The following FAF1 variants were observed in gnomAD, a reference collection of about 807,000 sequenced individuals.
FAF1 encodes the protein Fas associated factor 1.
In FAF1, 25 loss-of-function variants were observed where a neutral mutation model predicts 92.5. That is an observed-to-expected ratio of 0.27 (90% CI 0.20 to 0.38). The LOEUF (loss-of-function observed/expected upper bound fraction) is 0.38. Ranked by LOEUF, FAF1 falls within the 10% of genes least tolerant of loss-of-function variation. The pLI is 1.00. For missense variants in FAF1, 636 were observed against 793.3 expected (o/e 0.80, Z 2.38); for synonymous variants, 234 against 273.2 (o/e 0.86, Z 1.42).
At chr1:50,452,976 G>C (rs527488648) in intron 18 of FAF1, among the ~76,000 whole-genome samples, 1 of 152,278 alleles carries the variant, frequency 6.6e-6, no homozygotes, top group East Asian at 1.9e-4. Flanking sequence ...AGTGAGAGTT[G>C]AACAAAATGT....
chr1:50,797,474 G>T (rs1661804739), intron 3 of FAF1, among the ~76,000 whole-genome samples: 1 of 152,104 alleles, frequency 6.6e-6, no homozygotes, highest in African/African-American at 2.4e-5. Context: ...GCCATGGTGG[G>T]AGGATGGCTT....
At chr1:50,667,222 G>A (rs984665690) in intron 7 of FAF1, among the ~76,000 whole-genome samples, 6 of 152,212 alleles carry the variant, frequency 3.9e-5, no homozygotes, top group South Asian at 2.1e-4. Flanking sequence ...ACTTTATCAT[G>A]AGAGTTACCA....
intron 18 of FAF1, chr1:50,469,681 A>ACTGGAGG (rs1646546722): frequency 6.6e-6 from 1 of 152,214 alleles, no homozygotes; most frequent in Non-Finnish European, 1.5e-5. Context: ...GGGAGGCAAA[A>ACTGGAGG]CTGGAGGCAG....
intron 2 of FAF1, among the ~76,000 whole-genome samples, chr1:50,855,862 C>A (rs573916070): frequency 1.3e-5 from 2 of 151,718 alleles, no homozygotes; most frequent in South Asian, 4.1e-4. Flanking sequence ...TTGCTTGGGC[C>A]TGATACAGTG....
chr1:50,953,970 A>T (rs971504688), intron 1 of FAF1, among the ~76,000 whole-genome samples: 2 of 151,506 alleles, frequency 1.3e-5, no homozygotes, highest in African/African-American at 4.9e-5. Context: ...TTTATTTGAG[A>T]CGGAGTCTCC....
chr1:50,580,770 G>A (rs1572847722), intron 12 of FAF1, among the ~76,000 whole-genome samples: 2 of 151,908 alleles, frequency 1.3e-5, no homozygotes, highest in Admixed American at 6.6e-5. Context: ...TTTGCTTTTC[G>A]GTATTTTCTT....
intron 2 of FAF1, among the ~76,000 whole-genome samples, chr1:50,832,091 T>A (rs1644160426): frequency 6.6e-6 from 1 of 152,108 alleles, no homozygotes; most frequent in South Asian, 2.1e-4. Flanking sequence ...GGGTTCCCAC[T>A]GATTCTACAT....
chr1:50,569,865 G>A (rs577138617), intron 12 of FAF1, among the ~76,000 whole-genome samples: 4 of 152,024 alleles, frequency 2.6e-5, no homozygotes, highest in East Asian at 1.9e-4. Context: ...AAGTGCAGCC[G>A]ACAGTGTTGA....
At chr1:50,569,382 C>T (rs991211412) in intron 12 of FAF1, among the ~76,000 whole-genome samples, 2 of 152,118 alleles carry the variant, frequency 1.3e-5, no homozygotes, top group Admixed American at 6.6e-5. Flanking sequence ...GAAACAAGAA[C>T]ACTGATACAA....
chr1:50,857,856 A>T (rs1206289749), intron 2 of FAF1, 73 bp downstream of exon 2: 9 of 936,368 alleles, frequency 9.6e-6, no homozygotes. Context: ...GAACCCATCT[A>T]TAAAAAATAA....
At chr1:50,749,553 AG>A (rs1328250683) in intron 4 of FAF1, among the ~76,000 whole-genome samples, 1 of 152,208 alleles carries the variant, frequency 6.6e-6, no homozygotes, top group African/African-American at 2.4e-5. Flanking sequence ...TGGGAAGCCA[AG>A]GTAGAAGGAC....
intron 3 of FAF1, among the ~76,000 whole-genome samples, chr1:50,795,844 G>A (rs1661728209): frequency 1.3e-5 from 2 of 152,088 alleles, no homozygotes; most frequent in African/African-American, 2.4e-5. Flanking sequence ...ACCACCTAGG[G>A]AAGGAGTACC....
intron 2 of FAF1, among the ~76,000 whole-genome samples, chr1:50,842,050 C>G (rs1413331981): frequency 6.6e-6 from 1 of 152,076 alleles, no homozygotes. Flanking sequence ...ATTATACTTT[C>G]TAACTTACTT....
At chr1:50,443,430 AC>A (rs1189531648) in intron 18 of FAF1, among the ~76,000 whole-genome samples, 2 of 152,208 alleles carry the variant, frequency 1.3e-5, no homozygotes, top group Non-Finnish European at 2.9e-5. Context: ...TTGAACGCCT[AC>A]TATATGCCAG....
intron 8 of FAF1, among the ~76,000 whole-genome samples, chr1:50,651,955 G>A (rs1378550471): frequency 1.3e-5 from 2 of 152,200 alleles, no homozygotes; most frequent in African/African-American, 4.8e-5. Context: ...CTAAATTCAA[G>A]CACTGGAGCT....
At chr1:50,604,259 C>T (rs1652275458) in intron 8 of FAF1, among the ~76,000 whole-genome samples, 1 of 152,170 alleles carries the variant, frequency 6.6e-6, no homozygotes, top group Non-Finnish European at 1.5e-5. Flanking sequence ...CCATTCCAAG[C>T]TAGTAATAAG....
At chr1:50,791,037 CA>C (rs1355163590) in intron 3 of FAF1, among the ~76,000 whole-genome samples, 1 of 152,098 alleles carries the variant, frequency 6.6e-6, no homozygotes, top group African/African-American at 2.4e-5. Flanking sequence ...CCAAAAAGTT[CA>C]AAAACAGTTA....
chr1:50,468,541 C>A (rs1303137161), intron 18 of FAF1, among the ~76,000 whole-genome samples: 2 of 151,172 alleles, frequency 1.3e-5, no homozygotes, highest in Admixed American at 1.3e-4. Flanking sequence ...CTCACTGCAA[C>A]CTCCGCCCTC....
At chr1:50,596,971 C>T (rs1159232153) in intron 8 of FAF1, among the ~76,000 whole-genome samples, 1 of 152,106 alleles carries the variant, frequency 6.6e-6, no homozygotes, top group Non-Finnish European at 1.5e-5. Context: ...GATGAATATA[C>T]ATACATAGGA....
Sources: allele counts gnomAD v4.1 joint callset (sites outside exome capture counted in the v4.1 genomes callset), GRCh38; gene constraint gnomAD v4.1.1; transcripts MANE v1.5; gene names NCBI Gene and HGNC (gene_info 2026-07-23, HGNC 2026-07-21).